FAM78B: variants seen among roughly 807,000 people sequenced by gnomAD.
FAM78B encodes protein FAM78B.
Under a neutral mutation model 20.0 loss-of-function variants are expected in FAM78B, and 10 were observed. That is an observed-to-expected ratio of 0.50 (90% confidence interval 0.31 to 0.85). The LOEUF (loss-of-function observed/expected upper bound fraction) is 0.85, where lower values mean the gene tolerates loss of function less well. Among genes scored for constraint, FAM78B ranks in the 40% least tolerant of loss-of-function variants. The pLI, the probability that FAM78B is intolerant of heterozygous loss-of-function variation, is 0.05. For synonymous variants in FAM78B, 135 were observed against 132.8 expected (o/e 1.02, Z -0.12); for missense variants, 283 against 345.0 (o/e 0.82, Z 1.42).
At chr1:166,066,371 C>A (rs1651795706), downstream of FAM78B, among the ~76,000 whole-genome samples, 2 of 152,208 alleles carry the variant, frequency 1.3e-5, no homozygotes, top group South Asian at 2.1e-4. Flanking sequence ...TTAGTATGTC[C>A]ATTTAATAGA....
At chr1:166,105,751 G>A (rs576813491) in intron 1 of FAM78B, among the ~76,000 whole-genome samples, 1 of 151,872 alleles carries the variant, frequency 6.6e-6, no homozygotes, top group African/African-American at 2.4e-5. Flanking sequence ...CTTTTACACT[G>A]TTGGTGGGAC....
intron 1 of FAM78B, among the ~76,000 whole-genome samples, chr1:166,135,574 G>A (rs776486875): frequency 1.3e-5 from 2 of 152,240 alleles, no homozygotes; most frequent in Non-Finnish European, 2.9e-5. Context: ...AGTAGCATGA[G>A]ACATGTTGGG....
At chr1:166,114,886 G>A (rs935871203) in intron 1 of FAM78B, among the ~76,000 whole-genome samples, 1 of 152,198 alleles carries the variant, frequency 6.6e-6, no homozygotes, top group Non-Finnish European at 1.5e-5. Flanking sequence ...TGATGCATGT[G>A]TATCCTGGGG....
At chr1:166,106,218 AG>A (rs1434603803) in intron 1 of FAM78B, among the ~76,000 whole-genome samples, 1 of 62,154 alleles carries the variant, frequency 1.6e-5, no homozygotes, top group African/African-American at 6.8e-5. Flanking sequence ...GGGTGGGGGG[AG>A]GGGGGAGGGA....
At chr1:166,081,497 C>A (rs1652573232) in intron 1 of FAM78B, among the ~76,000 whole-genome samples, 1 of 152,160 alleles carries the variant, frequency 6.6e-6, no homozygotes, top group Admixed American at 6.5e-5. Flanking sequence ...CCTTACCCCA[C>A]ACAGAGAAGC....
chr1:166,073,559 G>A (rs557543765), intron 1 of FAM78B, among the ~76,000 whole-genome samples: 9 of 149,596 alleles, frequency 6.0e-5, no homozygotes, highest in Non-Finnish European at 1.3e-4. Flanking sequence ...TTTCCAAAAG[G>A]AGAGTTGTGT....
intron 1 of FAM78B, among the ~76,000 whole-genome samples, chr1:166,096,102 A>G (rs1653264797): frequency 6.6e-6 from 1 of 152,262 alleles, no homozygotes; most frequent in Non-Finnish European, 1.5e-5. Context: ...TTTTAGCTTA[A>G]GATGACATCT....
Position 166,069,590 on chromosome 1 carries a change from T to G in FAM78B, c.*651A>C, listed in dbSNP as rs1557887232. ...GGAACTAATGAAGTGTTTCCGTTAG[T>G]TCACATCAGCACCTTGGACAGTTCC... On this transcript the variant is annotated 3_prime_UTR_variant, in exon 2 of 2. Coordinates refer to ENST00000354422, the MANE Select transcript of FAM78B (RefSeq NM_001017961.5). 6.6e-6 allele frequency: 1 copy of G among 152,246 alleles called. No homozygotes were observed. Among genetic ancestry groups the G allele is most frequent in the Non-Finnish European group, 1.5e-5 (1 of 68,030 alleles). 9.4% of individuals were successfully genotyped at this position (152,246 alleles called of 1,614,324 possible).
chr1:166,109,814 G>GTATATATATATATATATATATATA (rs201957585), intron 1 of FAM78B, among the ~76,000 whole-genome samples: 1 of 32,642 alleles, frequency 3.1e-5, no homozygotes, highest in Non-Finnish European at 7.1e-5. Context: ...ATGTATATAT[G>GTATATATATATATATATATATATA]TATATATATA....
At chr1:166,126,298 A>T (rs989971150) in intron 1 of FAM78B, among the ~76,000 whole-genome samples, 6 of 152,154 alleles carry the variant, frequency 3.9e-5, no homozygotes, top group Admixed American at 3.9e-4. Flanking sequence ...AGATGCCAGG[A>T]TCTATATTGG....
chr1:166,130,345 G>A (rs1264268982), intron 1 of FAM78B, among the ~76,000 whole-genome samples: 1 of 152,228 alleles, frequency 6.6e-6, no homozygotes, highest in African/African-American at 2.4e-5. Context: ...TTCTACGTAA[G>A]TATAGACAAT....
In FAM78B at chr1:166,166,288, G is replaced by A; in HGVS notation, c.-40C>T. ...CCGGCACGGCGCGGCGTGGGGCAGC[G>A]CGGGGGCCCGCGCGGGCAGCCGGGG... On this transcript the variant is annotated 5_prime_UTR_variant, in exon 1 of 2. Transcript: ENST00000354422. 1 of 1,207,076 alleles carries A rather than the reference G, an allele frequency of 8.3e-7. No homozygotes were observed. Among genetic ancestry groups the A allele is most frequent in the Non-Finnish European group, 1.0e-6 (1 of 971,308 alleles). 74.8% of individuals were successfully genotyped at this position (1,207,076 alleles called of 1,614,324 possible). A position where few individuals can be genotyped will look rare whatever the true frequency, so the allele number is the denominator to read the frequency against.
intron 1 of FAM78B, among the ~76,000 whole-genome samples, chr1:166,077,080 GA>G (rs983561503): frequency 6.6e-6 from 1 of 152,148 alleles, no homozygotes; most frequent in Non-Finnish European, 1.5e-5. Flanking sequence ...AAATTGAAGA[GA>G]AAAAGCCATT....
chr1:166,088,863 T>G (rs1432939165), intron 1 of FAM78B, among the ~76,000 whole-genome samples: 1 of 152,134 alleles, frequency 6.6e-6, no homozygotes, highest in Admixed American at 6.5e-5. Flanking sequence ...TTCCCAGTAC[T>G]GGTAGAATAC....
At chr1:166,161,621 C>T (rs1656150281) in intron 1 of FAM78B, among the ~76,000 whole-genome samples, 1 of 152,106 alleles carries the variant, frequency 6.6e-6, no homozygotes, top group African/African-American at 2.4e-5. Context: ...GAGATGGTAG[C>T]AGTAGACAGA....
chr1:166,083,600 G>T (rs1225570824), intron 1 of FAM78B, among the ~76,000 whole-genome samples: 2 of 152,190 alleles, frequency 1.3e-5, no homozygotes, highest in African/African-American at 2.4e-5. Context: ...TGCCTCTTGG[G>T]TTCAAGTGCT....
intron 1 of FAM78B, chr1:166,154,871 C>T (rs146803621): frequency 0.01 from 4,885 of 471,644 alleles, 39 homozygotes; most frequent in Middle Eastern, 0.023. Context: ...TGATTTCCCG[C>T]ACCATCCTAA....
intron 1 of FAM78B, among the ~76,000 whole-genome samples, chr1:166,157,857 C>T (rs988426493): frequency 9.9e-5 from 15 of 152,122 alleles, no homozygotes; most frequent in African/African-American, 3.4e-4. Flanking sequence ...GCTTGCAGCC[C>T]GAGAACTGAG....
intron 1 of FAM78B, among the ~76,000 whole-genome samples, chr1:166,116,707 T>A (rs1034317902): frequency 6.6e-6 from 1 of 152,216 alleles, no homozygotes; most frequent in Non-Finnish European, 1.5e-5. Flanking sequence ...TTTTTTCCAA[T>A]TGGAGTTGTC....
Sources: allele counts gnomAD v4.1 joint callset (sites outside exome capture counted in the v4.1 genomes callset), GRCh38; gene constraint gnomAD v4.1.1; transcripts MANE v1.5; gene names NCBI Gene and HGNC (gene_info 2026-07-23, HGNC 2026-07-21).